GLOD4: variants seen among roughly 807,000 people sequenced by gnomAD.
GLOD4 encodes the protein glyoxalase domain containing 4.
Under a neutral mutation model 39.1 loss-of-function variants are expected in GLOD4, and 44 were observed. The observed-to-expected ratio is 1.13, with a 90% CI of 0.88 to 1.45. The LOEUF (loss-of-function observed/expected upper bound fraction) is 1.45. Among genes scored for constraint, GLOD4 ranks in the 40% most tolerant of loss-of-function variants. The probability of loss-of-function intolerance (pLI) is 0.00; values close to 1 mark genes in which losing one functional copy is unlikely to be tolerated. For synonymous variants in GLOD4, 145 were observed against 135.0 expected, an observed-to-expected ratio of 1.07 and a Z score of -0.52; for missense variants, 405 against 366.4, an observed-to-expected ratio of 1.11 and a Z score of -0.86.
chr17:765,156 TGG>T, intron 8 of GLOD4: 1 of 151,192 alleles, frequency 6.6e-6, no homozygotes, highest in Admixed American at 6.7e-5. Flanking sequence ...GCAGCTGATC[TGG>T]GAGATGAAGG....
intron 4 of GLOD4, among the ~76,000 whole-genome samples, chr17:771,869 T>C (rs543976365): frequency 4.6e-5 from 7 of 152,040 alleles, no homozygotes; most frequent in African/African-American, 1.7e-4. Context: ...AAAAATTAGC[T>C]GGGCGTGGTG....
upstream of GLOD4, chr17:782,740 C>T: frequency 6.5e-7 from 1 of 1,543,136 alleles, no homozygotes; most frequent in Non-Finnish European, 8.8e-7. Context: ...CCCTTCCCGT[C>T]GCACAGCGGA....
At chr17:782,380 TGGC>T, upstream of GLOD4, 1 of 1,613,584 alleles carries the variant, frequency 6.2e-7, no homozygotes, top group Non-Finnish European at 8.5e-7. Context: ...TCAGGGAACA[TGGC>T]GGCGCTGGTG....
At chr17:770,557 C>G (rs1278942922) in intron 5 of GLOD4, 50 bp from the exon 6 acceptor site, 3 of 840,408 alleles carry the variant, frequency 3.6e-6, no homozygotes, top group South Asian at 2.6e-5. Context: ...ACATTCATTA[C>G]ACGTATGTGG....
At chr17:783,291 G>T (rs1248301452), upstream of GLOD4, 1 of 1,613,772 alleles carries the variant, frequency 6.2e-7, no homozygotes, top group South Asian at 1.1e-5. Flanking sequence ...GGATATCAAG[G>T]ATTGGTCCGA....
At chr17:783,802 T>C (rs376829465), upstream of GLOD4, among the ~76,000 whole-genome samples, 66 of 152,356 alleles carry the variant, frequency 4.3e-4, no homozygotes, top group East Asian at 8.3e-3. Context: ...CGTTTTTCAC[T>C]ATCATTTGTG....
intron 4 of GLOD4, among the ~76,000 whole-genome samples, chr17:772,530 G>C (rs1252057281): frequency 6.6e-6 from 1 of 152,042 alleles, no homozygotes; most frequent in Non-Finnish European, 1.5e-5. Flanking sequence ...ATCAAAACTA[G>C]AGTATACAAC....
chr17:763,355 A>C lies in GLOD4; in HGVS notation c.832-3117T>G, dbSNP rs549985893. 2.0e-5 allele frequency among the ~76,000 whole-genome samples: 3 copies of C among 151,966 alleles called. No individual in the cohort carries two copies. In the South Asian group the frequency reaches 6.2e-4, roughly 32 times the overall value. On this transcript the variant is annotated intron_variant, in intron 8 of 8. Coordinates refer to ENST00000301329, the MANE Select transcript of GLOD4 (RefSeq NM_016080.4). ...AAACCCTGTCTCTACTAAAAATACA[A>C]AAATTAGCTGGACATGGTGGCGGGT... is the stretch of plus-strand genomic sequence containing the variant.
At chr17:768,403 A>C (rs1907155510) in intron 8 of GLOD4, among the ~76,000 whole-genome samples, 2 of 145,644 alleles carry the variant, frequency 1.4e-5, no homozygotes, top group East Asian at 2.1e-4. Flanking sequence ...AGAGAGAAAC[A>C]GCGCGCGCTC....
intron 8 of GLOD4, among the ~76,000 whole-genome samples, chr17:769,373 G>A (rs567217632): frequency 4.6e-4 from 70 of 150,762 alleles, no homozygotes; most frequent in African/African-American, 1.6e-3. Context: ...AACGGATGGA[G>A]GCATCTCCAT....
At chr17:769,813 A>G in intron 8 of GLOD4, 56 bp downstream of exon 8, 2 of 1,026,858 alleles carry the variant, frequency 1.9e-6, no homozygotes, top group Non-Finnish European at 3.1e-6. Context: ...TCCCACACAC[A>G]CTTAATGCCA....
chr17:782,138 G>A lies in GLOD4; in HGVS notation c.90+28C>T, dbSNP rs758526777. ...TCGGGCGCCGGTTCCAGCCTCGCGC[G>A]CCAGCCCCTGTCGGCCCCGGCCTGC... On this transcript the variant is annotated intron_variant, in intron 1 of 8. Coordinates refer to ENST00000301329, the MANE Select transcript of GLOD4 (RefSeq NM_016080.4). 5 of 1,539,062 alleles carry A rather than the reference G, an allele frequency of 3.2e-6. No homozygotes were observed. The South Asian group carries it at 5.9e-5, about 18-fold the overall frequency.
At chr17:782,765 C>G, upstream of GLOD4, 1 of 1,453,410 alleles carries the variant, frequency 6.9e-7, no homozygotes, top group African/African-American at 1.4e-5. Context: ...TAACCTCCTT[C>G]CGATGGAGGA....
At chr17:762,807 A>G (rs1181804262) in intron 8 of GLOD4, among the ~76,000 whole-genome samples, 1 of 152,276 alleles carries the variant, frequency 6.6e-6, no homozygotes, top group East Asian at 1.9e-4. Flanking sequence ...GTGAGGGCCA[A>G]TGACTTACTC....
chr17:769,091 A>G (rs1848171369), intron 8 of GLOD4, among the ~76,000 whole-genome samples: 1 of 152,256 alleles, frequency 6.6e-6, no homozygotes, highest in Non-Finnish European at 1.5e-5. Context: ...GAAGAGACTG[A>G]TGCTGCAGAA....
chr17:760,904 G>C (rs537072089), intron 8 of GLOD4, among the ~76,000 whole-genome samples: 127 of 152,288 alleles, frequency 8.3e-4, no homozygotes, highest in Non-Finnish European at 1.4e-3. Context: ...CTGTGTAACA[G>C]AGTGGGACCC....
At chr17:772,145 C>T (rs1466959009) in intron 4 of GLOD4, among the ~76,000 whole-genome samples, 3 of 133,338 alleles carry the variant, frequency 2.2e-5, no homozygotes, top group Non-Finnish European at 4.6e-5. Context: ...GCCAAGACTG[C>T]ACTACTGCAC....
chr17:766,068 G>GCA (rs1906482039), intron 8 of GLOD4, among the ~76,000 whole-genome samples: 1 of 147,472 alleles, frequency 6.8e-6, no homozygotes, highest in South Asian at 2.2e-4. Flanking sequence ...AGGCCAAGAT[G>GCA]GATCGAATGA....
At chr17:778,921 C>T (rs773937925) in intron 1 of GLOD4, 177 bp from the exon 2 acceptor site, 1 of 585,800 alleles carries the variant, frequency 1.7e-6, no homozygotes, top group Non-Finnish European at 3.0e-6. Flanking sequence ...GGACGAACAG[C>T]TTGACACCAA....
Sources: allele counts gnomAD v4.1 joint callset (sites outside exome capture counted in the v4.1 genomes callset), GRCh38; gene constraint gnomAD v4.1.1; transcripts MANE v1.5; gene names NCBI Gene and HGNC (gene_info 2026-07-23, HGNC 2026-07-21).